Variants in ATP10D observed in about 807,000 individuals in gnomAD.
The protein encoded by ATP10D is phospholipid-transporting ATPase VD.
In ATP10D, 89 loss-of-function variants were observed where a neutral mutation model predicts 144.8. The ratio of observed to expected loss-of-function variants is 0.61; its 90% CI spans 0.52 to 0.73. The LOEUF (loss-of-function observed/expected upper bound fraction) is 0.73. Among genes scored for constraint, ATP10D ranks in the 30% least tolerant of loss-of-function variants. The pLI is 0.00. For missense variants in ATP10D, 1,603 were observed against 1,714.8 expected, an observed-to-expected ratio of 0.93 and a Z score of 1.15; for synonymous variants, 571 against 615.1, an observed-to-expected ratio of 0.93 and a Z score of 1.06.
chr4:47,486,643 A>C (rs1000426369), intron 1 of ATP10D, among the ~76,000 whole-genome samples: 2 of 152,234 alleles, frequency 1.3e-5, no homozygotes, highest in South Asian at 2.1e-4. Context: ...TCAAAAAGTA[A>C]TAACTGCTTC....
chr4:47,576,996 T>C, intron 19 of ATP10D, 23 bp downstream of exon 19: 1 of 1,606,284 alleles, frequency 6.2e-7, no homozygotes, highest in Non-Finnish European at 8.5e-7. Flanking sequence ...GCAAGAGTGC[T>C]TGGATGGATG....
chr4:47,539,659 C>T (rs898833275), intron 9 of ATP10D, among the ~76,000 whole-genome samples: 2 of 152,156 alleles, frequency 1.3e-5, no homozygotes, highest in Non-Finnish European at 2.9e-5. Flanking sequence ...AATAATGCTA[C>T]GCTAAACCTC....
At chr4:47,489,988 G>A (rs1261571113) in intron 1 of ATP10D, among the ~76,000 whole-genome samples, 2 of 152,198 alleles carry the variant, frequency 1.3e-5, no homozygotes, top group African/African-American at 4.8e-5. Flanking sequence ...AAACTTACAA[G>A]GTTTTAACTC....
intron 5 of ATP10D, among the ~76,000 whole-genome samples, chr4:47,527,167 T>C (rs1327103469): frequency 6.6e-6 from 1 of 152,122 alleles, no homozygotes; most frequent in African/African-American, 2.4e-5. Context: ...TATGGACAAC[T>C]GGTTTTTAAC....
chr4:47,550,753 A>G (rs1718692008), intron 10 of ATP10D, among the ~76,000 whole-genome samples: 1 of 152,216 alleles, frequency 6.6e-6, no homozygotes, highest in Non-Finnish European at 1.5e-5. Flanking sequence ...CCATGCAGGA[A>G]CAATGGCAAG....
intron 9 of ATP10D, among the ~76,000 whole-genome samples, chr4:47,539,085 C>G (rs1717999759): frequency 6.6e-6 from 1 of 152,144 alleles, no homozygotes; most frequent in Non-Finnish European, 1.5e-5. Context: ...AGAATTCTGC[C>G]TACCACAGTC....
In ATP10D at chr4:47,530,135, T is replaced by C. The variant is rs759906392; in HGVS notation, c.776+4493T>C. Among the ~76,000 whole-genome samples, 3 of 152,198 alleles carry C rather than the reference T, an allele frequency of 2.0e-5. No homozygotes were observed. In the Middle Eastern group the frequency reaches 0.01, roughly 518 times the overall value. On this transcript the variant is annotated intron_variant, in intron 5 of 22. Coordinates refer to ENST00000273859, the MANE Select transcript of ATP10D (RefSeq NM_020453.4). ...TATTTTCCAATTTGAATGCCTTTTA[T>C]TTTTTTTCCTCTTGCCTGATTGCTC...
At chr4:47,537,587 A>G (rs1717919615) in intron 9 of ATP10D, among the ~76,000 whole-genome samples, 1 of 152,164 alleles carries the variant, frequency 6.6e-6, no homozygotes, top group Non-Finnish European at 1.5e-5. Context: ...TTCTTTATGC[A>G]TATTTCTCTA....
At chr4:47,528,458 GGTGT>G (rs372960268) in intron 5 of ATP10D, among the ~76,000 whole-genome samples, 9,470 of 114,790 alleles carry the variant, frequency 0.082, 476 homozygotes, top group East Asian at 0.31. Flanking sequence ...AGTAGTCCAT[GGTGT>G]GTGTGTGTGT....
chr4:47,559,829 G>A (rs917267402), intron 13 of ATP10D, among the ~76,000 whole-genome samples: 5 of 152,048 alleles, frequency 3.3e-5, no homozygotes, highest in Admixed American at 2.0e-4. Flanking sequence ...GTGAAACCCC[G>A]TCTCTACTAA....
At chr4:47,560,669 T>G (rs1719248859) in intron 13 of ATP10D, among the ~76,000 whole-genome samples, 1 of 152,220 alleles carries the variant, frequency 6.6e-6, no homozygotes, top group African/African-American at 2.4e-5. Flanking sequence ...CTTTCTGATT[T>G]AATTAAAGAC....
chr4:47,488,335 T>C (rs1714879897), intron 1 of ATP10D, among the ~76,000 whole-genome samples: 1 of 151,912 alleles, frequency 6.6e-6, no homozygotes, highest in Non-Finnish European at 1.5e-5. Context: ...AAAGTATTTA[T>C]TAAGCTGTTA....
At chr4:47,589,012 T>C (rs907022852) in intron 22 of ATP10D, among the ~76,000 whole-genome samples, 2 of 152,154 alleles carry the variant, frequency 1.3e-5, no homozygotes, top group Non-Finnish European at 2.9e-5. Flanking sequence ...AGATTAGTTA[T>C]CCAGGTGGAT....
intron 1 of ATP10D, among the ~76,000 whole-genome samples, chr4:47,501,639 A>C (rs1249775761): frequency 6.6e-6 from 1 of 152,160 alleles, no homozygotes; most frequent in Non-Finnish European, 1.5e-5. Flanking sequence ...ATTCCATATG[A>C]GATATCTGGA....
rs757558783 is a variant in ATP10D at position 47,587,104 on chromosome 4, G to A, written c.3839G>A (p.Cys1280Tyr). 6.2e-7 allele frequency: 1 copy of A among 1,613,974 alleles called. No homozygotes were observed. The highest frequency in any genetic ancestry group is 1.3e-5 in the African/African-American group (1 of 75,022). Reference protein sequence around the residue: ...AIVFGAMCVTCNPPSNPYWIM... With the variant: ...AIVFGAMCVTYNPPSNPYWIM... ...GTTTTTGGAGCCATGTGTGTAACTT[G>A]CAACCCACCATCCAACCCTTACTGG... Residue 1280 changes from cysteine (C) to tyrosine (Y), a missense_variant, in exon 22 of 23, where the codon TGC becomes TAC. By Grantham distance (194) the Cys-to-Tyr change is radical. Coordinates refer to ENST00000273859, the MANE Select transcript of ATP10D (RefSeq NM_020453.4).
chr4:47,490,977 C>A, intron 1 of ATP10D: 1 of 595,290 alleles, frequency 1.7e-6, no homozygotes. Context: ...ATTTTGTTAA[C>A]ACCTCTGATG....
At chr4:47,528,240 C>T (rs1276121670) in intron 5 of ATP10D, among the ~76,000 whole-genome samples, 1 of 151,880 alleles carries the variant, frequency 6.6e-6, no homozygotes, top group Non-Finnish European at 1.5e-5. Flanking sequence ...AACCCTCATG[C>T]CCCTCCCACC....
chr4:47,527,435 G>A (rs961214752), intron 5 of ATP10D, among the ~76,000 whole-genome samples: 1 of 151,940 alleles, frequency 6.6e-6, no homozygotes, highest in Non-Finnish European at 1.5e-5. Flanking sequence ...ATCCATTAAA[G>A]AAAAATAAAA....
At chr4:47,563,821 T>C in intron 15 of ATP10D, 56 bp downstream of exon 15, 1 of 1,429,332 alleles carries the variant, frequency 7.0e-7, no homozygotes, top group Non-Finnish European at 9.4e-7. Flanking sequence ...ATTGGAACAT[T>C]TGAGATTTGA....
Sources: allele counts gnomAD v4.1 joint callset (sites outside exome capture counted in the v4.1 genomes callset), GRCh38; gene constraint gnomAD v4.1.1; transcripts MANE v1.5; gene names NCBI Gene and HGNC (gene_info 2026-07-23, HGNC 2026-07-21).